PTPN5: variants seen among roughly 807,000 people sequenced by gnomAD.
PTPN5 encodes tyrosine-protein phosphatase non-receptor type 5.
Under a neutral mutation model 73.9 loss-of-function variants are expected in PTPN5, and 29 were observed. That is an observed-to-expected ratio of 0.39 (90% CI 0.29 to 0.54). The LOEUF (loss-of-function observed/expected upper bound fraction) is 0.54. Among genes scored for constraint, PTPN5 ranks in the 20% least tolerant of loss-of-function variants. PTPN5 has a pLI of 0.65. For synonymous variants in PTPN5, 267 were observed against 304.7 expected (o/e 0.88, Z 1.29); for missense variants, 652 against 751.4 (o/e 0.87, Z 1.55).
chr11:18,749,386 G>A lies in PTPN5; in HGVS notation c.98-5187C>T, dbSNP rs369042173. 1.1e-3 allele frequency: 552 copies of A among 516,720 alleles called. 6 individuals are homozygous for A. Among genetic ancestry groups the A allele is most frequent in the South Asian group, 5.8e-3 (414 of 71,528 alleles). 32.0% of individuals were successfully genotyped at this position (516,720 alleles called of 1,614,324 possible). A position where few individuals can be genotyped will look rare whatever the true frequency, so the allele number is the denominator to read the frequency against. ...TGCAGACCTGAGATTCAAACCCAGG[G>A]CTTTCCAGCATCAAGTGATGTTTCC... On this transcript the variant is annotated intron_variant, in intron 3 of 14. Coordinates refer to ENST00000358540, the MANE Select transcript of PTPN5 (RefSeq NM_006906.2).
intron 3 of PTPN5, among the ~76,000 whole-genome samples, chr11:18,758,675 GTT>G (rs59126462): frequency 0.41 from 61,581 of 150,504 alleles, 12,915 homozygotes; most frequent in East Asian, 0.62. Context: ...GGAAGGATGA[GTT>G]TTTTTTTTTT....
intron 3 of PTPN5, among the ~76,000 whole-genome samples, chr11:18,759,834 A>G (rs1208897826): frequency 6.6e-6 from 1 of 152,156 alleles, no homozygotes; most frequent in Non-Finnish European, 1.5e-5. Flanking sequence ...AGGTTTGTCC[A>G]TTTGGGCTTC....
intron 1 of PTPN5, among the ~76,000 whole-genome samples, chr11:18,776,968 CCTGA>C (rs528730657): frequency 3.9e-5 from 6 of 152,164 alleles, no homozygotes; most frequent in Non-Finnish European, 8.8e-5. Flanking sequence ...TTGAGACCAG[CCTGA>C]CTAACATGGT....
intron 8 of PTPN5, 197 bp downstream of exon 8, chr11:18,740,406 T>C: frequency 2.2e-6 from 1 of 454,524 alleles, no homozygotes; most frequent in Non-Finnish European, 3.9e-6. Context: ...TTCTATTATT[T>C]TCATCCCCAT....
chr11:18,772,758 T>C (rs745324224), intron 1 of PTPN5, among the ~76,000 whole-genome samples: 82 of 152,310 alleles, frequency 5.4e-4, no homozygotes, highest in South Asian at 1.0e-3. Flanking sequence ...AAACACCTGC[T>C]ATGTTCAGGC....
At chr11:18,763,357 GCTA>G (rs1053106631) in intron 3 of PTPN5, among the ~76,000 whole-genome samples, 3 of 152,320 alleles carry the variant, frequency 2.0e-5, no homozygotes, top group African/African-American at 7.2e-5. Context: ...GACGACACGG[GCTA>G]CTGAGAGAGA....
In PTPN5 at chr11:18,733,201, A is replaced by G; in HGVS notation, c.1218+34T>C. The G allele has an allele frequency of 6.2e-7, 1 of 1,600,824 alleles. No homozygotes were observed. The highest frequency in any genetic ancestry group is 8.6e-7 in the Non-Finnish European group (1 of 1,169,534). On this transcript the variant is annotated intron_variant, in intron 11 of 14. Transcript: ENST00000358540. This position sits in a 1 kb window ranked among gnomAD's most constrained non-coding sequence, Gnocchi z 4.3. ...AGATACTTAGTGTAGGGCGCAATGT[A>G]GCAGACACTTAGAATGGGGACGGGG... is the stretch of plus-strand genomic sequence containing the variant.
chr11:18,753,264 T>C (rs1172060315), intron 3 of PTPN5, among the ~76,000 whole-genome samples: 1 of 152,150 alleles, frequency 6.6e-6, no homozygotes, highest in Non-Finnish European at 1.5e-5. Context: ...GCTCACACCA[T>C]GTTCTCAAGG....
At chr11:18,744,269 T>C (rs1590519970) in intron 3 of PTPN5, 70 bp from the exon 4 acceptor site, 1 of 1,342,162 alleles carries the variant, frequency 7.5e-7, no homozygotes, top group East Asian at 2.8e-5. Context: ...CCACCCCTTT[T>C]GGGGTGGCTG....
intron 3 of PTPN5, among the ~76,000 whole-genome samples, chr11:18,750,704 T>C (rs1849848894): frequency 6.6e-6 from 1 of 152,196 alleles, no homozygotes; most frequent in South Asian, 2.1e-4. Context: ...TCCTGCCAGC[T>C]TGGAGCCAGG....
At chr11:18,740,341 A>C in intron 8 of PTPN5, 1 of 312,250 alleles carries the variant, frequency 3.2e-6, no homozygotes, top group Non-Finnish European at 5.9e-6. Flanking sequence ...CTGTACCTCC[A>C]TCACCTGGCT....
chr11:18,736,621 C>G (rs1251045301), intron 9 of PTPN5, among the ~76,000 whole-genome samples: 1 of 152,170 alleles, frequency 6.6e-6, no homozygotes, highest in East Asian at 1.9e-4. Context: ...GCCCTCTGCA[C>G]CCCCCAACCC....
At chr11:18,771,303 T>G (rs2134319032) in intron 2 of PTPN5, among the ~76,000 whole-genome samples, 1 of 152,336 alleles carries the variant, frequency 6.6e-6, no homozygotes, top group South Asian at 2.1e-4. Context: ...CGAGCCTTGT[T>G]TGTGCTGTTC....
chr11:18,788,944 T>G (rs1327282526), intron 1 of PTPN5, among the ~76,000 whole-genome samples: 1 of 152,214 alleles, frequency 6.6e-6, no homozygotes, highest in African/African-American at 2.4e-5. Flanking sequence ...TACAAATTAA[T>G]TATGAAATTC....
At chr11:18,752,069 A>G (rs560890959) in intron 3 of PTPN5, among the ~76,000 whole-genome samples, 1 of 152,282 alleles carries the variant, frequency 6.6e-6, no homozygotes, top group East Asian at 1.9e-4. Flanking sequence ...CGTCTCTACT[A>G]AAAACACAAA....
intron 4 of PTPN5, 37 bp from the exon 5 acceptor site, chr11:18,743,466 C>T (rs1436764562): frequency 1.3e-6 from 2 of 1,575,596 alleles, no homozygotes; most frequent in Admixed American, 1.7e-5. Flanking sequence ...ATGGAGCCGG[C>T]CCCCTTCCCC....
chr11:18,742,299 T>C lies in PTPN5; in HGVS notation c.688A>G (p.Thr230Ala), dbSNP rs1249213613. ...CCCATGGACTTGACGGTGAGTGAGG[T>C]GGGGTCAGCCTCAGGCTTGATGTCC... is the stretch of plus-strand genomic sequence containing the variant. The part of the protein sequence containing the change: ...VMDIKPEADP[T>A]SLTVKSMGLQ... The change falls in exon 7 of 15, where the codon ACC becomes GCC. Residue 230 changes from threonine (T) to alanine (A), a missense_variant. Thr to Ala is a moderately conservative substitution (Grantham distance 58). Around this residue, in one of 3 missense-constraint regions of PTPN5, gnomAD observed 529 missense variants for 573.9 expected, o/e 0.92. Transcript: ENST00000358540. The surrounding 1 kb of genome is among the most constrained non-coding windows in gnomAD (Gnocchi z 4.1). 3 of 1,613,996 alleles carry C rather than the reference T, an allele frequency of 1.9e-6. No homozygotes were observed. Among genetic ancestry groups the C allele is most frequent in the Non-Finnish European group, 2.5e-6 (3 of 1,179,990 alleles).
Position 18,728,982 on chromosome 11 carries a change from G to A in PTPN5, c.1650C>T (p.His550=), listed in dbSNP as rs377034701. Residue 550 remains histidine (H), a synonymous_variant, in exon 15 of 15, where the codon CAC becomes CAT. Transcript: ENST00000358540. This position sits in a 1 kb window ranked among gnomAD's most constrained non-coding sequence, Gnocchi z 4.1. Reference sequence around the variant, plus strand: ...GCTGCTTTTCGTAGAGGCTCATGACGTGGTGCACAAACTGGTACTGCTCGC... The same window carrying A: ...GCTGCTTTTCGTAGAGGCTCATGACATGGTGCACAAACTGGTACTGCTCGC... ...QTCEQYQFVH[H]VMSLYEKQLS... 11 of 1,613,660 alleles carry A rather than the reference G, an allele frequency of 6.8e-6. No individual in the cohort carries two copies. Among genetic ancestry groups the A allele is most frequent in the African/African-American group, 5.3e-5 (4 of 74,888 alleles).
chr11:18,752,179 C>T (rs1849918636), intron 3 of PTPN5, among the ~76,000 whole-genome samples: 1 of 152,210 alleles, frequency 6.6e-6, no homozygotes, highest in South Asian at 2.1e-4. Context: ...TGTAGTGAGC[C>T]AGAGAGCGCG....
Sources: allele counts gnomAD v4.1 joint callset (sites outside exome capture counted in the v4.1 genomes callset), GRCh38; gene constraint gnomAD v4.1.1; regional missense constraint gnomAD v4.1.1; non-coding constraint Gnocchi (gnomAD v3.1); transcripts MANE v1.5; gene names NCBI Gene and HGNC (gene_info 2026-07-23, HGNC 2026-07-21).